Variants in NRG3 observed in about 807,000 individuals in gnomAD.
The protein encoded by NRG3 is neuregulin 3.
In NRG3, 31 loss-of-function variants were observed where a neutral mutation model predicts 66.9. The ratio of observed to expected loss-of-function variants is 0.46; its 90% confidence interval spans 0.35 to 0.63. The LOEUF (loss-of-function observed/expected upper bound fraction) is 0.63. Among genes scored for constraint, NRG3 ranks in the 20% least tolerant of loss-of-function variants. NRG3 has a pLI of 0.00. For synonymous variants in NRG3, 393 were observed against 359.4 expected (o/e 1.09, Z -1.06); for missense variants, 910 against 878.9 (o/e 1.04, Z -0.45).
At chr10:82,450,668 T>A (rs1166242139) in intron 2 of NRG3, among the ~76,000 whole-genome samples, 1 of 152,190 alleles carries the variant, frequency 6.6e-6, no homozygotes, top group East Asian at 1.9e-4. Context: ...CTCAGGTGGA[T>A]TTTTAAAAAA....
At chr10:81,972,766 G>C (rs996432513) in intron 1 of NRG3, among the ~76,000 whole-genome samples, 2 of 151,710 alleles carry the variant, frequency 1.3e-5, no homozygotes, top group Non-Finnish European at 1.5e-5. Flanking sequence ...AATCAATAAC[G>C]GTTGATTTTT....
chr10:82,915,115 C>G (rs1207158844), intron 4 of NRG3, among the ~76,000 whole-genome samples: 2 of 152,186 alleles, frequency 1.3e-5, no homozygotes, highest in Non-Finnish European at 2.9e-5. Flanking sequence ...CACCCAGTGT[C>G]CAACTGTTAG....
At chr10:82,574,970 A>ACAT (rs2045947633) in intron 2 of NRG3, among the ~76,000 whole-genome samples, 1 of 151,770 alleles carries the variant, frequency 6.6e-6, no homozygotes, top group Non-Finnish European at 1.5e-5. Flanking sequence ...ACAAAATTTC[A>ACAT]GTTAGAGAGA....
intron 2 of NRG3, among the ~76,000 whole-genome samples, chr10:82,669,249 TAATAA>T (rs1172857839): frequency 1.4e-4 from 1 of 7,094 alleles, no homozygotes; most frequent in Non-Finnish European, 2.3e-4. Context: ...TTTATGATGG[TAATAA>T]TAATAATAAT....
intron 2 of NRG3, among the ~76,000 whole-genome samples, chr10:82,720,352 T>G (rs2057222846): frequency 6.6e-6 from 1 of 151,916 alleles, no homozygotes; most frequent in Non-Finnish European, 1.5e-5. Context: ...ATTGCGCCAC[T>G]GCACTCCAGC....
rs1239111052 is a variant in NRG3 at position 81,876,101 on chromosome 10, C to T, written c.761C>T (p.Ser254Phe). The part of the protein sequence containing the change: ...LSPFQDAASS[S>F]SSSSSSATTT... Reference sequence around the variant, plus strand: ...CCCTTTCAGGATGCTGCCTCCTCTTCTTCCTCTTCTTCCTCCTCCGCTACC... The same window carrying T: ...CCCTTTCAGGATGCTGCCTCCTCTTTTTCCTCTTCTTCCTCCTCCGCTACC... The change falls in exon 1 of 9, where the codon TCT (serine) becomes TTT (phenylalanine). Residue 254 changes from serine (S) to phenylalanine (F), a missense_variant. Ser to Phe is a radical substitution (Grantham distance 155). Coordinates refer to ENST00000372141, the MANE Select transcript of NRG3 (RefSeq NM_001010848.4). 2.5e-6 allele frequency: 4 copies of T among 1,611,328 alleles called. No homozygotes were observed. In the African/African-American group the frequency reaches 5.3e-5, roughly 22 times the overall value.
intron 1 of NRG3, among the ~76,000 whole-genome samples, chr10:82,013,530 A>T (rs1165544928): frequency 6.6e-6 from 1 of 152,172 alleles, no homozygotes; most frequent in Non-Finnish European, 1.5e-5. Flanking sequence ...TCATTTACAT[A>T]TGAATTTTTA....
chr10:82,898,405 C>A (rs910310231), intron 4 of NRG3, among the ~76,000 whole-genome samples: 3 of 152,146 alleles, frequency 2.0e-5, no homozygotes, highest in Non-Finnish European at 2.9e-5. Flanking sequence ...GTGTCAGGAG[C>A]CTCACCTGGA....
intron 2 of NRG3, among the ~76,000 whole-genome samples, chr10:82,628,009 G>T (rs568583206): frequency 1.7e-4 from 26 of 152,174 alleles, no homozygotes; most frequent in Non-Finnish European, 2.9e-4. Context: ...TACAGGTAAG[G>T]AAACAAAGAC....
At chr10:82,435,782 T>TTC (rs1464977710) in intron 2 of NRG3, among the ~76,000 whole-genome samples, 5 of 142,286 alleles carry the variant, frequency 3.5e-5, no homozygotes, top group African/African-American at 1.3e-4. Context: ...TTCTTTTCTT[T>TTC]TTTTTTTTTT....
chr10:82,063,477 G>A (rs2064274016), intron 1 of NRG3, among the ~76,000 whole-genome samples: 1 of 149,214 alleles, frequency 6.7e-6, no homozygotes, highest in Non-Finnish European at 1.5e-5. Flanking sequence ...TTTGTATAGA[G>A]ACAATCAATA....
chr10:82,830,862 AC>A (rs979547737), intron 3 of NRG3, among the ~76,000 whole-genome samples: 1 of 152,174 alleles, frequency 6.6e-6, no homozygotes, highest in Non-Finnish European at 1.5e-5. Flanking sequence ...GTTGAACAAG[AC>A]CATCAAGGAA....
At chr10:82,007,703 C>G (rs1689816416) in intron 1 of NRG3, among the ~76,000 whole-genome samples, 1 of 151,726 alleles carries the variant, frequency 6.6e-6, no homozygotes, top group East Asian at 1.9e-4. Context: ...TATTTTTGTG[C>G]TATTTTACTG....
intron 1 of NRG3, 139 bp from the exon 2 acceptor site, chr10:82,358,600 G>A (rs1244397730): frequency 2.7e-6 from 3 of 1,099,662 alleles, no homozygotes; most frequent in Non-Finnish European, 4.0e-6. Context: ...TACCAAGGAG[G>A]GTTGGAGCTG....
chr10:82,298,623 A>G lies in NRG3; in HGVS notation c.824-60116A>G, dbSNP rs192154222. Reference sequence around the variant, plus strand: ...CATTTAGATTTTGACAGTCATCATTAGATTATGCAAATAATTAAAAAAAAA... The same window carrying G: ...CATTTAGATTTTGACAGTCATCATTGGATTATGCAAATAATTAAAAAAAAA... On this transcript the variant is annotated intron_variant, in intron 1 of 8. Transcript: ENST00000372141. Among the ~76,000 whole-genome samples, 476 of 152,216 alleles carry G rather than the reference A, an allele frequency of 3.1e-3. 5 individuals carry two copies. The highest frequency in any genetic ancestry group is 0.011 in the African/African-American group (449 of 41,536).
intron 1 of NRG3, among the ~76,000 whole-genome samples, chr10:82,182,786 A>G (rs1310062426): frequency 6.6e-6 from 1 of 151,744 alleles, no homozygotes; most frequent in Non-Finnish European, 1.5e-5. Flanking sequence ...AATTTTTAGT[A>G]CTCCATTAGC....
intron 2 of NRG3, among the ~76,000 whole-genome samples, chr10:82,469,194 T>C (rs1409235877): frequency 6.6e-6 from 1 of 152,212 alleles, no homozygotes; most frequent in South Asian, 2.1e-4. Context: ...TCCTTCATTC[T>C]TTCCCTCCCC....
At chr10:82,864,373 T>C (rs1197888926) in intron 3 of NRG3, among the ~76,000 whole-genome samples, 2 of 152,088 alleles carry the variant, frequency 1.3e-5, no homozygotes, top group African/African-American at 2.4e-5. Flanking sequence ...ACAAAAGGCA[T>C]TGAAATCTGG....
intron 2 of NRG3, among the ~76,000 whole-genome samples, chr10:82,597,893 C>T (rs978250189): frequency 6.7e-6 from 1 of 149,572 alleles, no homozygotes; most frequent in East Asian, 2.0e-4. Flanking sequence ...TGCACTCCAG[C>T]CTGGTGACAG....
Sources: gnomAD v4.1 joint callset for allele counts (sites outside exome capture counted in the v4.1 genomes callset) on GRCh38, gnomAD v4.1.1 for gene constraint, MANE v1.5 for transcripts, NCBI Gene and HGNC (gene_info 2026-07-23, HGNC 2026-07-21) for gene names.